The following USP34 variants were observed in gnomAD, a reference collection of about 807,000 sequenced individuals.
USP34 encodes ubiquitin carboxyl-terminal hydrolase 34.
In USP34, 70 loss-of-function variants were observed where a neutral mutation model predicts 460.3. That is an observed-to-expected ratio of 0.15 (90% CI 0.13 to 0.19). The LOEUF (loss-of-function observed/expected upper bound fraction) is 0.19, where lower values mean the gene tolerates loss of function less well. Ranked by LOEUF, USP34 falls within the 10% of genes least tolerant of loss-of-function variation. The pLI is 1.00. For synonymous variants in USP34, 1,647 were observed against 1,405.3 expected (o/e 1.17, Z -3.85); for missense variants, 3,985 against 4,236.2 (o/e 0.94, Z 1.65).
intron 7 of USP34, among the ~76,000 whole-genome samples, 189 bp from the exon 8 acceptor site, chr2:61,378,613 T>C (rs1374753876): frequency 1.3e-5 from 2 of 151,922 alleles, no homozygotes; most frequent in Non-Finnish European, 2.9e-5. Flanking sequence ...TATATTAAAA[T>C]ACTAAATAAT....
In USP34 at chr2:61,214,596, G is replaced by C. The variant is rs1402516986; in HGVS notation, c.8146C>G (p.Leu2716Val). The C allele has an allele frequency of 1.2e-6, 2 of 1,614,026 alleles. No homozygotes were observed. Among genetic ancestry groups the C allele is most frequent in the South Asian group, 1.1e-5 (1 of 91,076 alleles). ...AGGACTACTGTTGTGTCTGGACTGAGTGGAAGGTCACGGGTTGGGATGTGC... is the reference window on the plus strand; with the variant it reads ...AGGACTACTGTTGTGTCTGGACTGACTGGAAGGTCACGGGTTGGGATGTGC... The part of the protein sequence containing the change: ...SLHIPTRDLP[L>V]SPDTTVVLHQ... Residue 2716 changes from leucine (L) to valine (V), a missense_variant, in exon 68 of 80, where the codon CTC (leucine) becomes GTC (valine). Leu to Val is a conservative substitution (Grantham distance 32, BLOSUM62 1). Transcript: ENST00000398571.
chr2:61,412,230 CAGAA>C (rs1253844457), intron 2 of USP34, among the ~76,000 whole-genome samples: 7 of 127,764 alleles, frequency 5.5e-5, no homozygotes, highest in East Asian at 4.4e-4. Context: ...AAGAAAGAAA[CAGAA>C]AGAAAAGAAA....
At chr2:61,456,308 T>C (rs981644749) in intron 1 of USP34, among the ~76,000 whole-genome samples, 4 of 152,128 alleles carry the variant, frequency 2.6e-5, no homozygotes, top group Non-Finnish European at 5.9e-5. Context: ...CAAGAATAGG[T>C]CCTGATTAGT....
At chr2:61,325,633 T>C (rs896817587) in intron 20 of USP34, among the ~76,000 whole-genome samples, 176 bp from the exon 21 acceptor site, 6 of 152,276 alleles carry the variant, frequency 3.9e-5, no homozygotes, top group African/African-American at 1.2e-4. Context: ...AAAAAATTTA[T>C]ACTATTTAAT....
intron 72 of USP34, 47 bp from the exon 73 acceptor site, chr2:61,204,648 T>C: frequency 7.0e-7 from 1 of 1,428,136 alleles, no homozygotes; most frequent in East Asian, 2.3e-5. Flanking sequence ...AAGAGTTATA[T>C]CTGCCTACTA....
At chr2:61,225,002 T>G (rs955959346) in intron 62 of USP34, among the ~76,000 whole-genome samples, 2 of 152,162 alleles carry the variant, frequency 1.3e-5, no homozygotes. Context: ...CAGTGGGAAA[T>G]GAAACCTAGA....
chr2:61,262,106 A>T (rs1360382380), intron 43 of USP34, among the ~76,000 whole-genome samples: 238 of 92,658 alleles, frequency 2.6e-3, no homozygotes, highest in African/African-American at 0.01. Flanking sequence ...AAAAAAAAAA[A>T]AAAAAAAAAA....
chr2:61,468,400 C>G (rs191577985), intron 1 of USP34, among the ~76,000 whole-genome samples: 6 of 152,300 alleles, frequency 3.9e-5, no homozygotes, highest in Admixed American at 1.3e-4. Context: ...TCAGGCTGGT[C>G]TTGAACTCCC....
intron 1 of USP34, among the ~76,000 whole-genome samples, chr2:61,438,960 T>C (rs1185419028): frequency 1.3e-5 from 2 of 152,132 alleles, no homozygotes; most frequent in Non-Finnish European, 2.9e-5. Context: ...GCTAAAAAAT[T>C]CAGTAAAGTT....
At chr2:61,232,107 A>G (rs1687923209) in intron 58 of USP34, among the ~76,000 whole-genome samples, 1 of 152,102 alleles carries the variant, frequency 6.6e-6, no homozygotes, top group Admixed American at 6.5e-5. Context: ...AGGTCACTAT[A>G]GTACCCTACC....
At position 61,221,606 on chromosome 2, in the gene USP34, C is replaced by T. The variant is rs754372496; in HGVS notation, c.7795G>A (p.Ala2599Thr). The change falls in exon 66 of 80, where the codon GCA becomes ACA. Residue 2599 changes from alanine to threonine, a missense_variant and splice_region_variant. Around this residue, in one of 14 missense-constraint regions of USP34, gnomAD observed 604 missense variants for 684.8 expected, o/e 0.88. Transcript: ENST00000398571. ...AACAACTTAAAGAAAGGATTGGCTG[C>T]CTGTAAAACACATACATGACTGTGT... ...FTSIAKLTPE[A>T]ANPFFKLLTM... is the part of the protein sequence containing the mutation. The T allele has an allele frequency of 6.2e-7, 1 of 1,613,614 alleles. No homozygotes were observed.
chr2:61,348,663 C>G (rs1691845967), intron 14 of USP34, 93 bp downstream of exon 14: 4 of 1,481,088 alleles, frequency 2.7e-6, no homozygotes, highest in Non-Finnish European at 3.6e-6. Context: ...AGGACAAGCC[C>G]AAACATGAAT....
intron 5 of USP34, among the ~76,000 whole-genome samples, chr2:61,389,318 T>C (rs1693270294): frequency 1.3e-5 from 2 of 152,184 alleles, no homozygotes; most frequent in Admixed American, 1.3e-4. Flanking sequence ...ATGTTATCAC[T>C]TTGTGTACGT....
chr2:61,308,321 G>C (rs1035698984), intron 27 of USP34, among the ~76,000 whole-genome samples: 4 of 151,940 alleles, frequency 2.6e-5, no homozygotes, highest in Non-Finnish European at 4.4e-5. Flanking sequence ...TTTAAAAATA[G>C]GCATATTTTT....
intron 48 of USP34, among the ~76,000 whole-genome samples, chr2:61,250,912 G>A (rs1364421772): frequency 6.6e-6 from 1 of 152,202 alleles, no homozygotes; most frequent in East Asian, 1.9e-4. Flanking sequence ...GCTGGAGCAG[G>A]CGGATCATGA....
chr2:61,190,777 A>T, intron 76 of USP34, 119 bp from the exon 77 acceptor site: 1 of 1,286,680 alleles, frequency 7.8e-7, no homozygotes, highest in Non-Finnish European at 1.0e-6. Flanking sequence ...GCCACTGAAA[A>T]TCCTACTTGA....
At chr2:61,457,313 AGG>A (rs1695469106) in intron 1 of USP34, among the ~76,000 whole-genome samples, 1 of 152,224 alleles carries the variant, frequency 6.6e-6, no homozygotes, top group African/African-American at 2.4e-5. Context: ...TACCATAGGA[AGG>A]GCCAAACTGA....
At position 61,220,477 on chromosome 2, in the gene USP34, A is replaced by G. The variant is rs1344396366; in HGVS notation, c.7900-20T>C. 1.3e-6 allele frequency: 2 copies of G among 1,591,626 alleles called. No homozygotes were observed. Among genetic ancestry groups the G allele is most frequent in the Non-Finnish European group, 1.7e-6 (2 of 1,169,902 alleles). Reference sequence around the variant, plus strand: ...AATCACCTACAAATAACATGACAAGAACAGAATATAAGGCCAACTGAATGA... The same window carrying G: ...AATCACCTACAAATAACATGACAAGGACAGAATATAAGGCCAACTGAATGA... On this transcript the variant is annotated intron_variant, in intron 66 of 79. Transcript: ENST00000398571.
At chr2:61,356,384 A>C (rs1026563136) in intron 10 of USP34, among the ~76,000 whole-genome samples, 6 of 152,078 alleles carry the variant, frequency 3.9e-5, no homozygotes, top group African/African-American at 1.4e-4. Context: ...CAGCTACTTC[A>C]GAGGCTGAAG....
Sources: gnomAD v4.1 joint callset for allele counts (sites outside exome capture counted in the v4.1 genomes callset) on GRCh38, gnomAD v4.1.1 for gene constraint, gnomAD v4.1.1 regional missense constraint, MANE v1.5 for transcripts, NCBI Gene and HGNC (gene_info 2026-07-23, HGNC 2026-07-21) for gene names.